The following PPEF1 variants were observed in gnomAD, a reference collection of about 807,000 sequenced individuals.
The protein encoded by PPEF1 is protein phosphatase with EF-hand domain 1.
A neutral mutation model predicts 53.3 loss-of-function variants in PPEF1; 12 were observed. The ratio of observed to expected loss-of-function variants is 0.23; its 90% CI spans 0.14 to 0.36. The LOEUF is 0.36. PPEF1 is among the 10% of genes least tolerant of loss of function. The pLI is 1.00. For synonymous variants in PPEF1, 165 were observed against 176.7 expected (o/e 0.93, Z 0.52); for missense variants, 334 against 490.4 (o/e 0.68, Z 3.01).
chrX:18,779,751 G>A (rs773264310), intron 7 of PPEF1, among the ~76,000 whole-genome samples: 49 of 112,354 alleles, frequency 4.4e-4, no homozygotes, highest in Non-Finnish European at 7.7e-4. Flanking sequence ...CACAGTAGGT[G>A]ACAAATGTTC....
intron 13 of PPEF1, among the ~76,000 whole-genome samples, chrX:18,822,698 C>T (rs1161978165): frequency 1.8e-5 from 2 of 109,664 alleles, no homozygotes; most frequent in African/African-American, 6.6e-5. Flanking sequence ...TTAGTAGAGA[C>T]GGGGGAGGTA....
At chrX:18,770,687 G>A (rs1024907542) in intron 6 of PPEF1, among the ~76,000 whole-genome samples, 7 of 111,925 alleles carry the variant, frequency 6.3e-5, no homozygotes, top group Non-Finnish European at 1.3e-4. Flanking sequence ...CATAGTAGAG[G>A]TGAAATAAGA....
In PPEF1 at chrX:18,823,857, A is replaced by G; in HGVS notation, c.1502-66A>G. ...GCCCCATGCTGCCCTGGCTCTCCCA[A>G]GGAGGTTGCATTCTTTAAAATCATA... On this transcript the variant is annotated intron_variant, in intron 13 of 15. Transcript: ENST00000470157. 2.7e-6 allele frequency: 3 copies of G among 1,131,035 alleles called. No homozygotes were observed. In the South Asian group the frequency reaches 6.1e-5, roughly 23 times the overall value. 93.2% of individuals were successfully genotyped at this position (1,131,035 alleles called of 1,213,427 possible).
chrX:18,778,872 G>A (rs1398210529), intron 6 of PPEF1, 138 bp from the exon 7 acceptor site: 9 of 628,825 alleles, frequency 1.4e-5, no homozygotes, highest in African/African-American at 6.8e-5. Flanking sequence ...TGGCTCAAGC[G>A]AGAGAGCAGA....
Position 18,761,446 on chromosome X carries a change from G to A in PPEF1, c.512-84G>A, listed in dbSNP as rs748843641. On this transcript the variant is annotated intron_variant, in intron 5 of 15. Coordinates refer to ENST00000470157, the MANE Select transcript of PPEF1 (RefSeq NM_001377996.1). ...AAACCCAATGCCCTGAGAACACTTG[G>A]AGTGGATCAGCAGTATTTCACTTTT... The A allele has an allele frequency of 2.4e-5, 20 of 829,455 alleles. No individual in the cohort carries two copies. In the South Asian group the frequency reaches 4.2e-4, roughly 17 times the overall value. The allele number at this position is 829,455 out of a possible 1,213,427, so 68.4% of individuals were successfully genotyped here.
At chrX:18,731,838 C>CATAT (rs1450070948) in intron 2 of PPEF1, among the ~76,000 whole-genome samples, 1 of 112,406 alleles carries the variant, frequency 8.9e-6, no homozygotes, top group Non-Finnish European at 1.9e-5. Flanking sequence ...CTGGCCATTT[C>CATAT]ATATAAATGG....
Position 18,778,967 on chromosome X carries a change from A to G in PPEF1, c.559-43A>G, listed in dbSNP as rs147636077. 7.1e-4 allele frequency: 787 copies of G among 1,105,221 alleles called. 5 individuals carry two copies. The African/African-American group carries it at 0.013, about 18-fold the overall frequency. The allele number at this position is 1,105,221 out of a possible 1,213,427, so 91.1% of individuals were successfully genotyped here. A position where few individuals can be genotyped will look rare whatever the true frequency, so the allele number is the denominator to read the frequency against. On this transcript the variant is annotated intron_variant, in intron 6 of 15. Coordinates refer to ENST00000470157, the MANE Select transcript of PPEF1 (RefSeq NM_001377996.1). ...GTACACGGCCTGACTTTAAAAGTAT[A>G]TTCTTTTAATTCCTTGTTTTTTCCC... is the stretch of plus-strand genomic sequence containing the variant.
At chrX:18,721,671 G>A (rs182304949) in intron 1 of PPEF1, among the ~76,000 whole-genome samples, 2 of 111,703 alleles carry the variant, frequency 1.8e-5, no homozygotes, top group Non-Finnish European at 3.8e-5. Context: ...CCAAATGGAA[G>A]TATCTCAATG....
intron 2 of PPEF1, chrX:18,686,058 A>G (rs1339138776): frequency 8.9e-6 from 1 of 112,333 alleles, no homozygotes; most frequent in Non-Finnish European, 1.9e-5. Context: ...ACTGAATAGA[A>G]GCACTACACC....
chrX:18,816,346 T>A (rs1790934936), intron 12 of PPEF1, among the ~76,000 whole-genome samples: 1 of 111,571 alleles, frequency 9.0e-6, no homozygotes, highest in African/African-American at 3.3e-5. Flanking sequence ...TTTTCCCAAA[T>A]TACTTTATTA....
At chrX:18,799,384 C>T (rs1040212189) in intron 10 of PPEF1, among the ~76,000 whole-genome samples, 1 of 111,045 alleles carries the variant, frequency 9.0e-6, no homozygotes, top group African/African-American at 3.3e-5. Context: ...CCAGCCTGGG[C>T]GACGAAAGCA....
intron 1 of PPEF1, among the ~76,000 whole-genome samples, chrX:18,676,542 C>T (rs1255200371): frequency 9.0e-6 from 1 of 110,979 alleles, no homozygotes; most frequent in African/African-American, 3.3e-5. Context: ...AGATTGTGGG[C>T]CACGAGATGA....
At chrX:18,697,579 G>A (rs984078528) in intron 4 of PPEF1, among the ~76,000 whole-genome samples, 11 of 110,510 alleles carry the variant, frequency 1.0e-4, no homozygotes, top group African/African-American at 3.6e-4. Context: ...CTTTCTCTGC[G>A]CCCCTGGAGT....
intron 3 of PPEF1, among the ~76,000 whole-genome samples, chrX:18,748,511 G>A (rs1408397025): frequency 8.9e-6 from 1 of 112,476 alleles, no homozygotes; most frequent in Admixed American, 9.5e-5. Flanking sequence ...TTATCCGCAA[G>A]AATATTGTGT....
chrX:18,713,094 T>C (rs1035482133), intron 1 of PPEF1, among the ~76,000 whole-genome samples: 76 of 111,865 alleles, frequency 6.8e-4, no homozygotes, highest in Middle Eastern at 4.6e-3. Flanking sequence ...TCTTGTGATA[T>C]CTTTGTCTGA....
chrX:18,722,212 C>A (rs751552923), intron 1 of PPEF1, among the ~76,000 whole-genome samples: 2 of 112,692 alleles, frequency 1.8e-5, no homozygotes, highest in African/African-American at 3.2e-5. Context: ...GCCATATCCT[C>A]TTCTCATCAT....
chrX:18,696,283 G>A (rs757678048), intron 4 of PPEF1, among the ~76,000 whole-genome samples: 1 of 108,391 alleles, frequency 9.2e-6, no homozygotes, highest in South Asian at 4.0e-4. Context: ...CTCCCAAGTA[G>A]CTGTGAGAAC....
At chrX:18,750,857 T>TTTTTA (rs2045428507) in intron 4 of PPEF1, among the ~76,000 whole-genome samples, 1 of 110,379 alleles carries the variant, frequency 9.1e-6, no homozygotes, top group Non-Finnish European at 1.9e-5. Context: ...TTTTGTTTTT[T>TTTTTA]TTTTTATTTT....
chrX:18,703,783 A>G (rs920056276), upstream of PPEF1, among the ~76,000 whole-genome samples: 8 of 110,819 alleles, frequency 7.2e-5, no homozygotes, highest in African/African-American at 2.6e-4. Context: ...CTGGAGAGAT[A>G]TTGAGACAGT....
Sources: gnomAD v4.1 joint callset for allele counts (sites outside exome capture counted in the v4.1 genomes callset) on GRCh38, gnomAD v4.1.1 for gene constraint, MANE v1.5 for transcripts, NCBI Gene and HGNC (gene_info 2026-07-23, HGNC 2026-07-21) for gene names.